Variants in KIF5B observed in about 807,000 individuals in gnomAD.
The protein encoded by KIF5B is kinesin-1 heavy chain.
In KIF5B, 49 loss-of-function variants were observed where a neutral mutation model predicts 132.8. The observed-to-expected ratio is 0.37, with a 90% CI of 0.29 to 0.47. The LOEUF (loss-of-function observed/expected upper bound fraction) is 0.47. KIF5B is among the 20% of genes least tolerant of loss of function. The pLI, the probability that KIF5B is intolerant of heterozygous loss-of-function variation, is 1.00. For missense variants in KIF5B, 780 were observed against 1,144.0 expected, an observed-to-expected ratio of 0.68 and a Z score of 4.59; for synonymous variants, 355 against 369.4, an observed-to-expected ratio of 0.96 and a Z score of 0.45.
In KIF5B at chr10:32,027,881, G is replaced by A. The variant is rs547219333; in HGVS notation, c.1725+547C>T. ...GCCTCCCAAAGTGCTGGGATTACAGGCTTGAGCCACTATGTCTGGTCCGTG... is the reference window on the plus strand; with the variant it reads ...GCCTCCCAAAGTGCTGGGATTACAGACTTGAGCCACTATGTCTGGTCCGTG... On this transcript the variant is annotated intron_variant, in intron 15 of 25. Coordinates refer to ENST00000302418, the MANE Select transcript of KIF5B (RefSeq NM_004521.3). 5.9e-5 allele frequency among the ~76,000 whole-genome samples: 9 copies of A among 152,206 alleles called. No individual in the cohort carries two copies. The South Asian group carries it at 1.9e-3, about 32-fold the overall frequency.
chr10:32,034,299 AT>A (rs1841437598), intron 11 of KIF5B, among the ~76,000 whole-genome samples: 2 of 151,946 alleles, frequency 1.3e-5, no homozygotes, highest in South Asian at 4.1e-4. Flanking sequence ...TTCAGTAGAG[AT>A]GGGGTTTCAA....
intron 3 of KIF5B, 77 bp downstream of exon 3, chr10:32,040,307 A>ACATTTTATAAACAAGAACATTAACCC: frequency 1.2e-6 from 1 of 856,692 alleles, no homozygotes; most frequent in Non-Finnish European, 2.0e-6. Flanking sequence ...ATGTTTATGC[A>ACATTTTATAAACAAGAACATTAACCC]TGGTGAAATA....
intron 1 of KIF5B, among the ~76,000 whole-genome samples, chr10:32,054,026 T>C (rs1485535051): frequency 6.6e-6 from 1 of 152,240 alleles, no homozygotes; most frequent in Non-Finnish European, 1.5e-5. Flanking sequence ...CTAATCTTAG[T>C]ACATTTTATG....
At chr10:32,018,287 A>C (rs1303814062) in intron 22 of KIF5B, 29 bp downstream of exon 22, 7 of 1,492,554 alleles carry the variant, frequency 4.7e-6, no homozygotes, top group East Asian at 2.3e-5. Context: ...CCATTTATGC[A>C]AACGCCTACC....
At chr10:32,037,227 A>G (rs1335471014) in intron 8 of KIF5B, 27 bp downstream of exon 8, 2 of 1,598,572 alleles carry the variant, frequency 1.3e-6, no homozygotes, top group Non-Finnish European at 1.7e-6. Context: ...ATGCTTAAAT[A>G]TTTGTCAAAA....
At position 32,018,124 on chromosome 10, in the gene KIF5B, G is replaced by A. The variant is rs373233175; in HGVS notation, c.2472C>T (p.Gly824=). Residue 824 remains glycine, a synonymous_variant, in exon 23 of 26, where the codon GGC becomes GGT. Transcript: ENST00000302418. ...AGATTTTTTGCTTCTGAGCAGCGCT[G>A]CCTCCGGTGTCATCAGAATCAATCT... ...SAEIDSDDTG[G]SAAQKQKISF... 6.8e-6 allele frequency: 11 copies of A among 1,610,682 alleles called. No homozygotes were observed. The highest frequency in any genetic ancestry group is 2.7e-5 in the African/African-American group (2 of 74,762).
rs1194965364 is a variant in KIF5B at position 32,018,299 on chromosome 10, C to T, written c.2439+17G>A. 2.0e-6 allele frequency: 3 copies of T among 1,497,630 alleles called. No homozygotes were observed. Among genetic ancestry groups the T allele is most frequent in the Admixed American group, 4.6e-5 (2 of 43,128 alleles). 92.8% of individuals were successfully genotyped at this position (1,497,630 alleles called of 1,614,324 possible). ...GCACCATTTATGCAAACGCCTACCTCGGCATAGTTACATTACCTTTTTAAC... is the reference window on the plus strand; with the variant it reads ...GCACCATTTATGCAAACGCCTACCTTGGCATAGTTACATTACCTTTTTAAC... On this transcript the variant is annotated intron_variant, in intron 22 of 25. Transcript: ENST00000302418.
At chr10:32,031,367 T>C (rs1841400780) in intron 13 of KIF5B, 88 bp from the exon 14 acceptor site, 2 of 946,448 alleles carry the variant, frequency 2.1e-6, no homozygotes. Flanking sequence ...CAAGAACAAA[T>C]GGAGTGAAAT....
At position 32,022,126 on chromosome 10, in the gene KIF5B, G is replaced by A. The variant is rs752806342; in HGVS notation, c.2032+14C>T. The A allele has an allele frequency of 1.2e-5, 16 of 1,310,276 alleles. No homozygotes were observed. Among genetic ancestry groups the A allele is most frequent in the Non-Finnish European group, 1.7e-5 (16 of 917,190 alleles). The allele number at this position is 1,310,276 out of a possible 1,614,324, so 81.2% of individuals were successfully genotyped here. ...AGAACACAGATGTAACTCATAAACA[G>A]TTGGAAGCTATACCTTGTGCTCGAA... On this transcript the variant is annotated intron_variant, in intron 17 of 25. Transcript: ENST00000302418.
chr10:32,048,331 T>G, intron 2 of KIF5B, 133 bp downstream of exon 2: 1 of 596,158 alleles, frequency 1.7e-6, no homozygotes, highest in Non-Finnish European at 3.0e-6. Context: ...TTTTTATTAT[T>G]TAAACAACTT....
intron 17 of KIF5B, among the ~76,000 whole-genome samples, chr10:32,021,765 G>A (rs1197116756): frequency 6.6e-6 from 1 of 152,120 alleles, no homozygotes; most frequent in Non-Finnish European, 1.5e-5. Context: ...GAGGTCAGGA[G>A]ATCAAGACCA....
intron 15 of KIF5B, among the ~76,000 whole-genome samples, chr10:32,026,909 C>T (rs888706617): frequency 1.3e-5 from 2 of 152,112 alleles, no homozygotes; most frequent in South Asian, 2.1e-4. Context: ...AGTCAAGTGG[C>T]CCCATAGTGA....
chr10:32,051,573 A>G (rs1417939276), intron 1 of KIF5B, among the ~76,000 whole-genome samples: 1 of 152,248 alleles, frequency 6.6e-6, no homozygotes, highest in Non-Finnish European at 1.5e-5. Context: ...GGCAACTATT[A>G]AAAGGTAACA....
chr10:32,026,566 C>CA (rs1300742880), intron 15 of KIF5B, among the ~76,000 whole-genome samples: 1 of 139,452 alleles, frequency 7.2e-6, no homozygotes, highest in Non-Finnish European at 1.5e-5. Flanking sequence ...TAACTATTTG[C>CA]AAAGACGACT....
At chr10:32,038,920 G>A (rs1592450043) in intron 4 of KIF5B, 94 bp from the exon 5 acceptor site, 2 of 759,224 alleles carry the variant, frequency 2.6e-6, no homozygotes, top group East Asian at 2.7e-5. Context: ...TTAGACTAGA[G>A]AGACAGTTAT....
At chr10:32,029,076 A>G (rs1379003642) in intron 14 of KIF5B, among the ~76,000 whole-genome samples, 1 of 152,194 alleles carries the variant, frequency 6.6e-6, no homozygotes, top group East Asian at 1.9e-4. Flanking sequence ...TGTTAAAGTA[A>G]TATTATCTGA....
At chr10:32,055,794 C>A (rs1406721020) in intron 1 of KIF5B, 54 bp downstream of exon 1, 11 of 1,597,182 alleles carry the variant, frequency 6.9e-6, no homozygotes, top group Non-Finnish European at 8.5e-6. Flanking sequence ...CTAAACTCCC[C>A]GCACAGGCCG....
At chr10:32,037,819 G>A (rs1021081247) in intron 6 of KIF5B, among the ~76,000 whole-genome samples, 3 of 151,752 alleles carry the variant, frequency 2.0e-5, no homozygotes, top group Admixed American at 6.6e-5. Flanking sequence ...GCAACAGAGC[G>A]AGCCTCCATA....
Position 32,027,478 on chromosome 10 carries a change from TCTA to T in KIF5B, c.1725+947_1725+949del, listed in dbSNP as rs200786923. ...CTCTAGAGTTCATTGTATTATTCTC[TCTA>T]CTATTATATGTTTGAAATTTTTCAC... On this transcript the variant is annotated intron_variant, in intron 15 of 25. Coordinates refer to ENST00000302418, the MANE Select transcript of KIF5B (RefSeq NM_004521.3). Among the ~76,000 whole-genome samples the T allele has an allele frequency of 2.9e-3, 363 of 126,024 alleles. 3 individuals are homozygous for T. Among genetic ancestry groups the T allele is most frequent in the African/African-American group, 9.3e-3 (346 of 37,352 alleles). 82.7% of individuals were successfully genotyped at this position (126,024 alleles called of 152,430 possible). A position where few individuals can be genotyped will look rare whatever the true frequency, so the allele number is the denominator to read the frequency against.
Sources: allele counts gnomAD v4.1 joint callset (sites outside exome capture counted in the v4.1 genomes callset), GRCh38; gene constraint gnomAD v4.1.1; transcripts MANE v1.5; gene names NCBI Gene and HGNC (gene_info 2026-07-23, HGNC 2026-07-21).